CRACD: variants seen among roughly 807,000 people sequenced by gnomAD.
CRACD encodes capping protein inhibiting regulator of actin dynamics.
Under a neutral mutation model 106.8 loss-of-function variants are expected in CRACD, and 56 were observed. The ratio of observed to expected loss-of-function variants is 0.52; its 90% CI spans 0.42 to 0.66. The LOEUF (loss-of-function observed/expected upper bound fraction) is 0.66. Ranked by LOEUF, CRACD falls within the 30% of genes least tolerant of loss-of-function variation. The probability of loss-of-function intolerance (pLI) is 0.00; values close to 1 mark genes in which losing one functional copy is unlikely to be tolerated. For missense variants in CRACD, 1,730 were observed against 1,623.2 expected (o/e 1.07, Z -1.13); for synonymous variants, 754 against 670.8 (o/e 1.12, Z -1.92).
At chr4:56,132,632 T>A (rs755001910) in intron 1 of CRACD, among the ~76,000 whole-genome samples, 10 of 152,174 alleles carry the variant, frequency 6.6e-5, no homozygotes, top group Non-Finnish European at 1.5e-4. Flanking sequence ...TCTGATTGGC[T>A]ATATCACAAA....
chr4:56,190,004 G>A (rs1161568154), intron 2 of CRACD, among the ~76,000 whole-genome samples: 15 of 116,022 alleles, frequency 1.3e-4, no homozygotes, highest in Admixed American at 1.2e-4. Flanking sequence ...AGAGTGTGAT[G>A]TTCCCCTTCC....
At chr4:56,085,904 A>G (rs1733202092) in intron 1 of CRACD, among the ~76,000 whole-genome samples, 1 of 152,190 alleles carries the variant, frequency 6.6e-6, no homozygotes, top group Non-Finnish European at 1.5e-5. Context: ...GATTTTTAAT[A>G]TTATGTATTT....
chr4:56,072,094 C>T (rs867655892), intron 1 of CRACD, among the ~76,000 whole-genome samples: 1 of 147,620 alleles, frequency 6.8e-6, no homozygotes, highest in African/African-American at 2.5e-5. Flanking sequence ...CGCCACTGCA[C>T]TCCAGCCTGG....
At chr4:56,324,067 GAAAAC>G (rs1475623731) in intron 9 of CRACD, 32 bp from the exon 10 acceptor site, 2 of 1,574,412 alleles carry the variant, frequency 1.3e-6, no homozygotes, top group Non-Finnish European at 1.7e-6. Flanking sequence ...GTCTTAGGTT[GAAAAC>G]ATGTTTCCCA....
intron 1 of CRACD, among the ~76,000 whole-genome samples, chr4:56,118,216 G>A (rs898110438): frequency 6.6e-6 from 1 of 151,454 alleles, no homozygotes; most frequent in Non-Finnish European, 1.5e-5. Flanking sequence ...GAACCAGAAG[G>A]GACCTCAGAG....
At chr4:56,217,582 T>C (rs1437215847) in intron 2 of CRACD, among the ~76,000 whole-genome samples, 1 of 152,200 alleles carries the variant, frequency 6.6e-6, no homozygotes, top group Non-Finnish European at 1.5e-5. Context: ...GTTCTTCTTA[T>C]GCAGATGGAG....
rs1243365671 is a variant in CRACD at position 56,329,279 on chromosome 4, C to T, written c.*1475C>T. Reference sequence around the variant, plus strand: ...AGATTCTTACTCCGAAATATAGGTACACATCCTTTGCTCTGTGCAGAGGGA... The same window carrying T: ...AGATTCTTACTCCGAAATATAGGTATACATCCTTTGCTCTGTGCAGAGGGA... On this transcript the variant is annotated 3_prime_UTR_variant, in exon 11 of 11. Coordinates refer to ENST00000682029, the MANE Select transcript of CRACD (RefSeq NM_001393381.1). Among the ~76,000 whole-genome samples, 2 of 152,216 alleles carry T rather than the reference C, an allele frequency of 1.3e-5. No individual in the cohort carries two copies. The highest frequency in any genetic ancestry group is 1.3e-4 in the Admixed American group (2 of 15,276).
intron 2 of CRACD, among the ~76,000 whole-genome samples, chr4:56,195,848 A>C (rs1405739566): frequency 1.3e-5 from 2 of 152,216 alleles, no homozygotes; most frequent in African/African-American, 4.8e-5. Context: ...GTAATAACAC[A>C]ATACAAATCT....
intron 1 of CRACD, among the ~76,000 whole-genome samples, chr4:56,086,781 C>A (rs1296121251): frequency 4.6e-5 from 7 of 152,092 alleles, no homozygotes; most frequent in African/African-American, 1.7e-4. Flanking sequence ...ATCAGCCTGG[C>A]CCCCATCAAT....
rs74798907 is a variant in CRACD, at chr4:56,178,346, T to C, written c.-335-938T>C. On this transcript the variant is annotated intron_variant, in intron 1 of 10. Transcript: ENST00000682029. Reference sequence around the variant, plus strand: ...TAGGTTTCTCAGTAGTTTTGCCCTGTGCCTCCTAAAAAACCAGTGGGTGTC... The same window carrying C: ...TAGGTTTCTCAGTAGTTTTGCCCTGCGCCTCCTAAAAAACCAGTGGGTGTC... Among the ~76,000 whole-genome samples, 521 of 152,318 alleles carry C rather than the reference T, an allele frequency of 3.4e-3. 3 individuals are homozygous for C. Among genetic ancestry groups the C allele is most frequent in the African/African-American group, 0.012 (494 of 41,570 alleles).
intron 1 of CRACD, among the ~76,000 whole-genome samples, chr4:56,148,135 C>T (rs1735458554): frequency 6.6e-6 from 1 of 152,192 alleles, no homozygotes; most frequent in Non-Finnish European, 1.5e-5. Context: ...ATCTCCCAAA[C>T]TGTGAGAAAA....
intron 1 of CRACD, among the ~76,000 whole-genome samples, chr4:56,057,625 GTT>G (rs1196589410): frequency 1.4e-4 from 18 of 125,046 alleles, no homozygotes; most frequent in Admixed American, 3.3e-4. Flanking sequence ...GATAGGTTGG[GTT>G]TTTTTTTTTT....
At chr4:56,319,250 A>T (rs1417991333) in intron 8 of CRACD, among the ~76,000 whole-genome samples, 2 of 152,168 alleles carry the variant, frequency 1.3e-5, no homozygotes, top group Non-Finnish European at 1.5e-5. Flanking sequence ...ATTTGTTATT[A>T]CATGGCCTTT....
chr4:56,274,896 G>A (rs1156963974), intron 3 of CRACD, among the ~76,000 whole-genome samples: 1 of 152,172 alleles, frequency 6.6e-6, no homozygotes, highest in Non-Finnish European at 1.5e-5. Context: ...ACCCATCAGT[G>A]ACAGATTGGA....
intron 1 of CRACD, among the ~76,000 whole-genome samples, chr4:56,095,689 T>G (rs79989505): frequency 0.013 from 2,011 of 152,210 alleles, 24 homozygotes; most frequent in East Asian, 0.065. Flanking sequence ...ATGTAAGGCC[T>G]TATGCAAAGA....
chr4:56,148,097 C>T (rs1238684162), intron 1 of CRACD, among the ~76,000 whole-genome samples: 1 of 152,094 alleles, frequency 6.6e-6, no homozygotes, highest in Non-Finnish European at 1.5e-5. Flanking sequence ...AAAAACCAAA[C>T]CTGCCAACAC....
chr4:56,067,698 C>T lies in CRACD; in HGVS notation c.-336+18399C>T, dbSNP rs925349379. Among the ~76,000 whole-genome samples the T allele has an allele frequency of 2.0e-5, 3 of 152,160 alleles. No individual in the cohort carries two copies. The South Asian group carries it at 6.2e-4, about 32-fold the overall frequency. ...TCAAGCGATTCTCCTGCCTCAGCCTCCTGGGTAGCTGGGATTACAGGAGTG... is the reference window on the plus strand; with the variant it reads ...TCAAGCGATTCTCCTGCCTCAGCCTTCTGGGTAGCTGGGATTACAGGAGTG... On this transcript the variant is annotated intron_variant, in intron 1 of 10. Transcript: ENST00000682029.
rs991145875 is a variant in CRACD, at chr4:56,327,881, G to A, written c.*77G>A. 6 of 1,294,852 alleles carry A rather than the reference G, an allele frequency of 4.6e-6. No homozygotes were observed. Among genetic ancestry groups the A allele is most frequent in the Non-Finnish European group, 6.4e-6 (6 of 930,778 alleles). The allele number at this position is 1,294,852 out of a possible 1,614,324, so 80.2% of individuals were successfully genotyped here. On this transcript the variant is annotated 3_prime_UTR_variant, in exon 11 of 11. Transcript: ENST00000682029. Reference sequence around the variant, plus strand: ...TTTTTATTTATTTATTTTTTATATGGGGTAAAGAAATCAAGCTAGGGAAAA... The same window carrying A: ...TTTTTATTTATTTATTTTTTATATGAGGTAAAGAAATCAAGCTAGGGAAAA...
chr4:56,260,463 G>A (rs1238702799), intron 2 of CRACD, among the ~76,000 whole-genome samples: 1 of 152,222 alleles, frequency 6.6e-6, no homozygotes, highest in Non-Finnish European at 1.5e-5. Context: ...GTGTATAGAT[G>A]CCAAGTTGAC....
Sources: allele counts gnomAD v4.1 joint callset (sites outside exome capture counted in the v4.1 genomes callset), GRCh38; gene constraint gnomAD v4.1.1; transcripts MANE v1.5; gene names NCBI Gene and HGNC (gene_info 2026-07-23, HGNC 2026-07-21).